PHF21A: variants seen among roughly 807,000 people sequenced by gnomAD.
PHF21A encodes the protein BHC80a.
In PHF21A, 11 loss-of-function variants were observed where a neutral mutation model predicts 82.5. The observed-to-expected ratio is 0.13, with a 90% CI of 0.08 to 0.22. The LOEUF is 0.22. PHF21A is among the 10% of genes least tolerant of loss of function. PHF21A has a pLI of 1.00. For synonymous variants in PHF21A, 297 were observed against 302.8 expected, an observed-to-expected ratio of 0.98 and a Z score of 0.20; for missense variants, 579 against 837.8, an observed-to-expected ratio of 0.69 and a Z score of 3.81.
intron 18 of PHF21A, chr11:45,935,202 A>G (rs2088598594): frequency 5.4e-6 from 7 of 1,291,186 alleles, no homozygotes; most frequent in Non-Finnish European, 6.1e-6. Context: ...GTGTGGAAGA[A>G]AGAGCGAGGG....
chr11:45,968,396 T>A (rs2093573381), intron 9 of PHF21A, among the ~76,000 whole-genome samples: 1 of 152,186 alleles, frequency 6.6e-6, no homozygotes, highest in South Asian at 2.1e-4. Context: ...CAACTCTAAC[T>A]AACTCTAGCC....
intron 9 of PHF21A, 145 bp from the exon 10 acceptor site, chr11:45,965,753 G>T (rs1042124375): frequency 3.0e-6 from 2 of 665,622 alleles, no homozygotes; most frequent in South Asian, 2.3e-5. Context: ...AGACCTCAGG[G>T]CATATAATCT....
Position 46,121,274 on chromosome 11 carries a change from A to ATCC in PHF21A, c.-579_-577dup, listed in dbSNP as rs964579951. ...GGAGGGGGTTGGGGGGAGGAACTGG[A>ATCC]TCCTCCTCCTCCTCCAGGAGGGACA... On this transcript the variant is annotated 5_prime_UTR_variant, in exon 1 of 19. Transcript: ENST00000676320. The ATCC allele has an allele frequency of 6.7e-6, 1 of 148,848 alleles. No individual in the cohort carries two copies. The highest frequency in any genetic ancestry group is 1.5e-5 in the Non-Finnish European group (1 of 67,976). 9.2% of individuals were successfully genotyped at this position (148,848 alleles called of 1,614,324 possible). A position where few individuals can be genotyped will look rare whatever the true frequency, so the allele number is the denominator to read the frequency against.
intron 6 of PHF21A, among the ~76,000 whole-genome samples, chr11:46,007,574 A>C (rs1466318839): frequency 6.6e-6 from 1 of 152,126 alleles, no homozygotes; most frequent in African/African-American, 2.4e-5. Context: ...GTGGCCTCCC[A>C]AAGTGCTGGG....
intron 1 of PHF21A, among the ~76,000 whole-genome samples, chr11:46,099,974 A>G (rs1167948476): frequency 6.6e-6 from 1 of 152,182 alleles, no homozygotes; most frequent in South Asian, 2.1e-4. Flanking sequence ...ATCCTTTCTC[A>G]CCACTGCTAT....
chr11:46,046,768 A>G (rs1469344258), intron 6 of PHF21A, among the ~76,000 whole-genome samples: 1 of 152,220 alleles, frequency 6.6e-6, no homozygotes, highest in Non-Finnish European at 1.5e-5. Context: ...ACCCAACAAC[A>G]TAGAAGGAAG....
At chr11:46,041,004 T>C (rs1371646621) in intron 6 of PHF21A, among the ~76,000 whole-genome samples, 1 of 151,840 alleles carries the variant, frequency 6.6e-6, no homozygotes, top group Non-Finnish European at 1.5e-5. Flanking sequence ...CCTTTGTCAA[T>C]GCACTAGATT....
At chr11:46,079,920 G>A (rs1157772190) in intron 4 of PHF21A, among the ~76,000 whole-genome samples, 1 of 152,082 alleles carries the variant, frequency 6.6e-6, no homozygotes, top group Non-Finnish European at 1.5e-5. Context: ...AAAAATGAAT[G>A]TCTTTTGACC....
At chr11:46,079,007 T>C in intron 5 of PHF21A, 127 bp downstream of exon 5, 1 of 564,956 alleles carries the variant, frequency 1.8e-6, no homozygotes, top group Non-Finnish European at 3.1e-6. Context: ...GTATTAAAAA[T>C]AATTGCTATT....
intron 1 of PHF21A, among the ~76,000 whole-genome samples, chr11:46,098,334 CT>C (rs2097032334): frequency 6.6e-6 from 1 of 152,114 alleles, no homozygotes; most frequent in African/African-American, 2.4e-5. Context: ...CTTCTATATG[CT>C]TGAAAAATGT....
intron 6 of PHF21A, among the ~76,000 whole-genome samples, chr11:46,018,025 C>A (rs377373121): frequency 3.3e-5 from 5 of 151,922 alleles, no homozygotes; most frequent in South Asian, 2.1e-4. Flanking sequence ...CCGAGGCGGG[C>A]GGATCACGAG....
chr11:46,114,637 T>G (rs1423120052), intron 1 of PHF21A, among the ~76,000 whole-genome samples: 1 of 152,208 alleles, frequency 6.6e-6, no homozygotes, highest in Non-Finnish European at 1.5e-5. Flanking sequence ...AGGAAATTAC[T>G]GTCATTACCC....
At chr11:46,001,554 A>C (rs2095132722) in intron 6 of PHF21A, among the ~76,000 whole-genome samples, 1 of 152,104 alleles carries the variant, frequency 6.6e-6, no homozygotes, top group South Asian at 2.1e-4. Flanking sequence ...GAAAACAAAA[A>C]CACTGCTAGC....
chr11:46,034,226 C>A (rs2095935459), intron 6 of PHF21A, among the ~76,000 whole-genome samples: 4 of 151,728 alleles, frequency 2.6e-5, no homozygotes, highest in Admixed American at 1.3e-4. Context: ...CCCCCACCCC[C>A]CCCTTGCATA....
rs531180955 is a variant in PHF21A, at chr11:45,935,949, A to G, written c.1685-210T>C. ...GTCAGTGGCTTGGGTCTGGCTTTAC[A>G]TAAATGAGATACCACATCTCATTTT... On this transcript the variant is annotated intron_variant, in intron 17 of 18. Coordinates refer to ENST00000676320, the MANE Select transcript of PHF21A (RefSeq NM_001352027.3). Among the ~76,000 whole-genome samples the G allele has an allele frequency of 8.9e-4, 136 of 152,258 alleles. No individual in the cohort carries two copies. In the Middle Eastern group the frequency reaches 0.014, roughly 15 times the overall value.
chr11:46,067,971 C>G (rs960364969), intron 6 of PHF21A, among the ~76,000 whole-genome samples: 24 of 152,036 alleles, frequency 1.6e-4, no homozygotes, highest in African/African-American at 5.6e-4. Context: ...CTTGCTTAAG[C>G]TGAGTCTTCA....
chr11:46,120,692 C>T (rs1055532478), intron 1 of PHF21A, among the ~76,000 whole-genome samples: 3 of 151,722 alleles, frequency 2.0e-5, no homozygotes, highest in Admixed American at 2.0e-4. Flanking sequence ...GGGGTCCTGA[C>T]GAGAACACCC....
In PHF21A at chr11:46,033,676, G is replaced by C. The variant is rs189146935; in HGVS notation, c.153+43078C>G. Among the ~76,000 whole-genome samples the C allele has an allele frequency of 2.0e-5, 3 of 152,260 alleles. No individual in the cohort carries two copies. In the East Asian group the frequency reaches 5.8e-4, roughly 29 times the overall value. ...TGTCCAATATGCTATCTATCCACTA[G>C]CCATATATGGCTATTGAGCACTTAA... On this transcript the variant is annotated intron_variant, in intron 6 of 18. Transcript: ENST00000676320.
intron 6 of PHF21A, among the ~76,000 whole-genome samples, chr11:46,009,270 G>A (rs562013167): frequency 9.9e-5 from 15 of 152,014 alleles, no homozygotes; most frequent in East Asian, 3.9e-4. Flanking sequence ...CACTGCGCCC[G>A]GCCATTAGTT....
Sources: gnomAD v4.1 joint callset for allele counts (sites outside exome capture counted in the v4.1 genomes callset) on GRCh38, gnomAD v4.1.1 for gene constraint, MANE v1.5 for transcripts, NCBI Gene and HGNC (gene_info 2026-07-23, HGNC 2026-07-21) for gene names.